SH2D3A: variants seen among roughly 807,000 people sequenced by gnomAD.
SH2D3A encodes SH2 domain-containing protein 3A.
SH2D3A carries 46 observed loss-of-function variants against 50.6 expected under a neutral mutation model. The observed-to-expected ratio is 0.91, with a 90% CI of 0.72 to 1.16. SH2D3A has a LOEUF of 1.16. SH2D3A is among the 50% of genes most tolerant of loss of function. The pLI is 0.00. For synonymous variants in SH2D3A, 377 were observed against 348.4 expected, an observed-to-expected ratio of 1.08 and a Z score of -0.91; for missense variants, 783 against 786.2, an observed-to-expected ratio of 1.00 and a Z score of 0.05.
intron 2 of SH2D3A, 93 bp from the exon 3 acceptor site, chr19:6,761,080 G>C: frequency 1.0e-6 from 1 of 1,004,088 alleles, no homozygotes; most frequent in Non-Finnish European, 1.4e-6. Flanking sequence ...CACCACCCAA[G>C]AAAAGCTACC....
intron 8 of SH2D3A, 117 bp downstream of exon 8, chr19:6,753,935 C>T: frequency 7.9e-7 from 1 of 1,269,352 alleles, no homozygotes; most frequent in Non-Finnish European, 1.1e-6. Flanking sequence ...AGGGCGGGGC[C>T]TATGGTGAAG....
At chr19:6,754,542 G>T (rs936691458) in intron 6 of SH2D3A, 74 bp downstream of exon 6, 1 of 1,600,502 alleles carries the variant, frequency 6.2e-7, no homozygotes, top group African/African-American at 1.3e-5. Flanking sequence ...ACCATGAGTG[G>T]GGAGCTGTTT....
At chr19:6,752,967 C>T (rs1969404867) in intron 9 of SH2D3A, 1 of 985,202 alleles carries the variant, frequency 1.0e-6, no homozygotes, top group African/African-American at 1.7e-5. Context: ...GGCTCTACCG[C>T]AGTGCAATGG....
rs529274145 is a variant in SH2D3A, at chr19:6,756,963, C to T, written c.497-1648G>A. ...TCGGCTTATTGCAACCTCTGCCTCC[C>T]GGGTTCAAGTGATTCTCCTGCTTCA... On this transcript the variant is annotated intron_variant, in intron 4 of 9. Transcript: ENST00000245908. 1.5e-4 allele frequency among the ~76,000 whole-genome samples: 23 copies of T among 152,158 alleles called. No homozygotes were observed. In the East Asian group the frequency reaches 2.5e-3, roughly 17 times the overall value.
At position 6,753,571 on chromosome 19, in the gene SH2D3A, T is replaced by C; in HGVS notation, c.1455A>G (p.Glu485=). Reference sequence around the variant, plus strand: ...AGCTCTCGTCCAGCGGCCCCGCGACTTCCTCGCCCTCCAGTAGGCGAACCA... The same window carrying C: ...AGCTCTCGTCCAGCGGCCCCGCGACCTCCTCGCCCTCCAGTAGGCGAACCA... ...APMVRLLEGE[E]VAGPLDESCE... The change falls in exon 9 of 10, where the codon GAA becomes GAG. Residue 485 remains glutamate (E), a synonymous_variant. Transcript: ENST00000245908. 6.3e-7 allele frequency: 1 copy of C among 1,581,434 alleles called. No homozygotes were observed. The highest frequency in any genetic ancestry group is 8.6e-7 in the Non-Finnish European group (1 of 1,164,598).
At chr19:6,759,501 G>C in intron 4 of SH2D3A, 93 bp downstream of exon 4, 1 of 1,055,412 alleles carries the variant, frequency 9.5e-7, no homozygotes, top group Non-Finnish European at 1.4e-6. Flanking sequence ...AGAAATTGAG[G>C]CTCGAAGAGG....
At position 6,752,741 on chromosome 19, in the gene SH2D3A, T is replaced by G; in HGVS notation, c.1583A>C (p.Asn528Thr). The change falls in exon 10 of 10, where the codon AAC (asparagine) becomes ACC (threonine). Residue 528 changes from asparagine (N) to threonine (T), a missense_variant. Asn to Thr is a moderately conservative substitution (Grantham distance 65). Transcript: ENST00000245908. ...AAQRLRGFRP[N>T]PELREALTTG... ...GGTCAGGGCCTCCCTCAGCTCCGGG[T>G]TAGGCCGGAATCCTGGAAGCAAGGT... 1.3e-6 allele frequency: 2 copies of G among 1,544,024 alleles called. No homozygotes were observed. The highest frequency in any genetic ancestry group is 1.8e-6 in the Non-Finnish European group (2 of 1,142,198).
chr19:6,764,685 T>G lies in SH2D3A; in HGVS notation c.-68-869A>C, dbSNP rs1302400287. On this transcript the variant is annotated intron_variant, in intron 1 of 9. Transcript: ENST00000245908. ...AAACTAAACCATGGATGGGATATAA[T>G]GAAAGTACAGGTGCTAGGGTGAACA... 4.6e-5 allele frequency among the ~76,000 whole-genome samples: 7 copies of G among 151,854 alleles called. No individual in the cohort carries two copies. In the South Asian group the frequency reaches 1.2e-3, roughly 27 times the overall value.
intron 4 of SH2D3A, among the ~76,000 whole-genome samples, chr19:6,756,406 A>C (rs1599582854): frequency 6.6e-6 from 1 of 151,754 alleles, no homozygotes; most frequent in East Asian, 1.9e-4. Flanking sequence ...ATAAGTGTCA[A>C]AGAAACCAAG....
In SH2D3A at chr19:6,753,864, G is replaced by A. The variant is rs1327933084; in HGVS notation, c.1384+188C>T. ...CCAAGGCTGGTGGGGGCGTGGCCTAGGAACAAGTCTCGTGTGGAGGGCGGG... is the reference window on the plus strand; with the variant it reads ...CCAAGGCTGGTGGGGGCGTGGCCTAAGAACAAGTCTCGTGTGGAGGGCGGG... On this transcript the variant is annotated intron_variant, in intron 8 of 9. Coordinates refer to ENST00000245908, the MANE Select transcript of SH2D3A (RefSeq NM_005490.3). Among the ~76,000 whole-genome samples the A allele has an allele frequency of 4.6e-5, 7 of 152,058 alleles. No homozygotes were observed. The East Asian group carries it at 1.4e-3, about 29-fold the overall frequency.
chr19:6,765,699 G>A (rs1400997226), intron 1 of SH2D3A, among the ~76,000 whole-genome samples: 1 of 134,230 alleles, frequency 7.4e-6, no homozygotes, highest in African/African-American at 2.9e-5. Context: ...AGTGAACCGA[G>A]ATCACACCAC....
At position 6,759,688 on chromosome 19, in the gene SH2D3A, G is replaced by A; in HGVS notation, c.420-18C>T. 1.2e-6 allele frequency: 2 copies of A among 1,612,874 alleles called. No individual in the cohort carries two copies. Among genetic ancestry groups the A allele is most frequent in the South Asian group, 1.1e-5 (1 of 91,038 alleles). ...TCCTTGCCCTGGGGGACAGAAGTGG[G>A]AGAAACCTGTAGTCCCCACCTAAGC... is the stretch of plus-strand genomic sequence containing the variant. On this transcript the variant is annotated intron_variant, in intron 3 of 9. Coordinates refer to ENST00000245908, the MANE Select transcript of SH2D3A (RefSeq NM_005490.3).
At position 6,754,088 on chromosome 19, in the gene SH2D3A, G is replaced by C; in HGVS notation, c.1348C>G (p.Leu450Val). The change falls in exon 8 of 10, where the codon CTG becomes GTG. Residue 450 changes from leucine (L) to valine (V), a missense_variant. Physicochemically the swap from Leu to Val is conservative, Grantham distance 32 (BLOSUM62 1). Coordinates refer to ENST00000245908, the MANE Select transcript of SH2D3A (RefSeq NM_005490.3). The stretch of plus-strand genomic sequence containing the variant: ...TCCAGAGCCCGCATCAGCGGCTTCA[G>C]CTCCTGCTCAAAGGCCAGCGCAGCC... ...TEAALAFEQELKPLMRALDEG... is the reference protein window; with the variant it reads ...TEAALAFEQEVKPLMRALDEG... 6.2e-7 allele frequency: 1 copy of C among 1,612,540 alleles called. No homozygotes were observed.
chr19:6,759,284 T>TG (rs1969874987), intron 4 of SH2D3A: 1 of 273,676 alleles, frequency 3.7e-6, no homozygotes, highest in African/African-American at 2.3e-5. Flanking sequence ...CGGCTAATTT[T>TG]GTGTTTTTAG....
rs77249976 is a variant in SH2D3A at position 6,765,945 on chromosome 19, G to A, written c.-69+1442C>T. Among the ~76,000 whole-genome samples the A allele has an allele frequency of 3.8e-3, 575 of 152,228 alleles. 2 individuals carry two copies. The highest frequency in any genetic ancestry group is 0.014 in the African/African-American group (563 of 41,554). On this transcript the variant is annotated intron_variant, in intron 1 of 9. Coordinates refer to ENST00000245908, the MANE Select transcript of SH2D3A (RefSeq NM_005490.3). Reference sequence around the variant, plus strand: ...TCCCGATAATCTCACAGGCCTCAGGGCCAGTGTGTCTCAGGTGTCTGGTGG... The same window carrying A: ...TCCCGATAATCTCACAGGCCTCAGGACCAGTGTGTCTCAGGTGTCTGGTGG...
At chr19:6,753,719 C>G in intron 8 of SH2D3A, 78 bp from the exon 9 acceptor site, 1 of 1,373,538 alleles carries the variant, frequency 7.3e-7, no homozygotes, top group Non-Finnish European at 9.6e-7. Flanking sequence ...AGGACAAATG[C>G]AGGGGCGGGG....
Position 6,755,016 on chromosome 19 carries a change from C to T in SH2D3A, c.796G>A (p.Glu266Lys), listed in dbSNP as rs191413930. ...PWWEAEEDEE[E>K]ENRCFTRPQA... The stretch of plus-strand genomic sequence containing the variant: ...GGTCTTGTAAAACATCTATTCTCTT[C>T]CTCCTCATCCTCCTCGGCCTCCCAC... Residue 266 changes from glutamate (E) to lysine (K), a missense_variant, in exon 5 of 10, where the codon GAA becomes AAA. Transcript: ENST00000245908. The T allele has an allele frequency of 6.8e-6, 11 of 1,613,758 alleles. No individual in the cohort carries two copies. The Admixed American group carries it at 1.7e-4, about 24-fold the overall frequency.
At position 6,754,361 on chromosome 19, in the gene SH2D3A, G is replaced by A. The variant is rs1222255080; in HGVS notation, c.1162C>T (p.Arg388Cys). The A allele has an allele frequency of 6.4e-7, 1 of 1,565,338 alleles. No homozygotes were observed. Among genetic ancestry groups the A allele is most frequent in the Non-Finnish European group, 8.6e-7 (1 of 1,162,492 alleles). The change falls in exon 7 of 10, where the codon CGC becomes TGC. Residue 388 changes from arginine to cysteine, a missense_variant. Physicochemically the swap from Arg to Cys is radical, Grantham distance 180. Coordinates refer to ENST00000245908, the MANE Select transcript of SH2D3A (RefSeq NM_005490.3). ...VLGCSGPLEE[R>C]AAALRGLVEL... ...ACCAGTCCCCTCAGTGCGGCTGCGC[G>A]CTCCTCCAGCGGCCCCGAGCAGCCC...
chr19:6,757,100 C>G (rs923317439), intron 4 of SH2D3A, among the ~76,000 whole-genome samples: 1 of 151,834 alleles, frequency 6.6e-6, no homozygotes, highest in African/African-American at 2.4e-5. Flanking sequence ...CTCTTGACCT[C>G]GTGATCCGCC....
Sources: allele counts gnomAD v4.1 joint callset (sites outside exome capture counted in the v4.1 genomes callset), GRCh38; gene constraint gnomAD v4.1.1; transcripts MANE v1.5; gene names NCBI Gene and HGNC (gene_info 2026-07-23, HGNC 2026-07-21).